The following EVC2 variants were observed in gnomAD, a reference collection of about 807,000 sequenced individuals.
EVC2 encodes EvC ciliary complex subunit 2.
EVC2 carries 148 observed loss-of-function variants against 149.3 expected under a neutral mutation model. The ratio of observed to expected loss-of-function variants is 0.99; its 90% CI spans 0.87 to 1.14. The LOEUF (loss-of-function observed/expected upper bound fraction) is 1.14. Ranked by LOEUF, EVC2 falls within the 50% of genes most tolerant of loss-of-function variation. The pLI, the probability that EVC2 is intolerant of heterozygous loss-of-function variation, is 0.00. For missense variants in EVC2, 1,854 were observed against 1,627.3 expected (o/e 1.14, Z -2.40); for synonymous variants, 776 against 649.9 (o/e 1.19, Z -2.95).
At chr4:5,582,179 C>T (rs1020513174) in intron 17 of EVC2, among the ~76,000 whole-genome samples, 4 of 152,180 alleles carry the variant, frequency 2.6e-5, no homozygotes, top group African/African-American at 9.7e-5. Context: ...GGCTGCTATC[C>T]TCTAGATTCT....
At position 5,592,573 on chromosome 4, in the gene EVC2, G is replaced by A. The variant is rs140805519; in HGVS notation, c.2830-7723C>T. On this transcript the variant is annotated intron_variant, in intron 16 of 21. Coordinates refer to ENST00000344408, the MANE Select transcript of EVC2 (RefSeq NM_147127.5). Reference sequence around the variant, plus strand: ...TGGTTGCAGCTGGTGCCAGGGAACAGCAGTCTCCCAACAGATAGTAAAGAC... The same window carrying A: ...TGGTTGCAGCTGGTGCCAGGGAACAACAGTCTCCCAACAGATAGTAAAGAC... Among the ~76,000 whole-genome samples, 717 of 152,334 alleles carry A rather than the reference G, an allele frequency of 4.7e-3. 3 individuals carry two copies. Among genetic ancestry groups the A allele is most frequent in the Non-Finnish European group, 5.2e-3 (354 of 68,028 alleles).
chr4:5,690,105 G>C (rs745341167), intron 4 of EVC2, among the ~76,000 whole-genome samples: 15 of 152,210 alleles, frequency 9.9e-5, no homozygotes, highest in Non-Finnish European at 1.9e-4. Flanking sequence ...AAGTGGGGGA[G>C]AAAGAAGGTA....
At chr4:5,603,306 A>G (rs985205800) in intron 16 of EVC2, among the ~76,000 whole-genome samples, 6 of 152,176 alleles carry the variant, frequency 3.9e-5, no homozygotes, top group African/African-American at 1.4e-4. Flanking sequence ...AATTTGACAG[A>G]GGCTGCCTCA....
chr4:5,554,427 C>A (rs1406015574), intron 21 of EVC2, among the ~76,000 whole-genome samples: 1 of 152,204 alleles, frequency 6.6e-6, no homozygotes, highest in Non-Finnish European at 1.5e-5. Context: ...GGCCTATAGT[C>A]TTAGGGAGTC....
chr4:5,662,201 C>G (rs979463879), intron 9 of EVC2, among the ~76,000 whole-genome samples: 1 of 152,060 alleles, frequency 6.6e-6, no homozygotes, highest in Non-Finnish European at 1.5e-5. Flanking sequence ...TTTCCTCTGT[C>G]TGAAAATCGT....
At position 5,636,390 on chromosome 4, in the gene EVC2, C is replaced by T. The variant is rs1042074243; in HGVS notation, c.1470+4124G>A. 6.6e-6 allele frequency among the ~76,000 whole-genome samples: 1 copy of T among 152,204 alleles called. No individual in the cohort carries two copies. Among genetic ancestry groups the T allele is most frequent in the African/African-American group, 2.4e-5 (1 of 41,448 alleles). ...GGTTCTGCATCCATAAATATAACCA[C>T]CTGCAGGTCAAAAATTTCTGTGTGT... is the stretch of plus-strand genomic sequence containing the variant. On this transcript the variant is annotated intron_variant, in intron 10 of 21. Coordinates refer to ENST00000344408, the MANE Select transcript of EVC2 (RefSeq NM_147127.5). This position sits in a 1 kb window ranked among gnomAD's most constrained non-coding sequence, Gnocchi z 4.6.
chr4:5,583,050 G>C (rs536668338), intron 17 of EVC2, among the ~76,000 whole-genome samples: 3 of 152,076 alleles, frequency 2.0e-5, no homozygotes, highest in East Asian at 1.9e-4. Flanking sequence ...CCAGTCTCAG[G>C]GTATTTCTTA....
intron 8 of EVC2, 87 bp downstream of exon 8, chr4:5,665,428 G>C: frequency 6.3e-7 from 1 of 1,598,066 alleles, no homozygotes. Flanking sequence ...ATGCTGATGG[G>C]GATCCAGGGC....
chr4:5,611,324 C>T (rs376667659), intron 16 of EVC2, among the ~76,000 whole-genome samples: 23 of 152,104 alleles, frequency 1.5e-4, no homozygotes, highest in East Asian at 3.9e-4. Flanking sequence ...TGGAGATTCA[C>T]GCTCATGAAG....
Position 5,691,352 on chromosome 4 carries a change from G to C in EVC2, c.451-19C>G. On this transcript the variant is annotated intron_variant, in intron 3 of 21. Coordinates refer to ENST00000344408, the MANE Select transcript of EVC2 (RefSeq NM_147127.5). ...CCCCATACTACAATAAAATGTAAAA[G>C]TTATTAGAAAATGAGAAATATTTCA... is the stretch of plus-strand genomic sequence containing the variant. 1 of 1,592,138 alleles carries C rather than the reference G, an allele frequency of 6.3e-7. No homozygotes were observed.
chr4:5,668,898 T>C (rs946280724), intron 7 of EVC2, among the ~76,000 whole-genome samples: 1 of 152,176 alleles, frequency 6.6e-6, no homozygotes, highest in Non-Finnish European at 1.5e-5. Context: ...TATTTAGAAA[T>C]TGTCTTTGCA....
At chr4:5,662,515 T>C (rs1390532641) in intron 9 of EVC2, among the ~76,000 whole-genome samples, 2 of 142,724 alleles carry the variant, frequency 1.4e-5, no homozygotes, top group Non-Finnish European at 3.0e-5. Flanking sequence ...TTAAATATAA[T>C]ATTAATATTA....
rs1046412779 is a variant in EVC2, at chr4:5,576,893, T to C, written c.3058-439A>G. On this transcript the variant is annotated intron_variant, in intron 17 of 21. Transcript: ENST00000344408. This position sits in a 1 kb window ranked among gnomAD's most constrained non-coding sequence, Gnocchi z 4.5. ...GCCTTTCTGCTACAGTGTGAGCTCT[T>C]TGAGGGCAGGGCTGTGTCTCCTTCT... Among the ~76,000 whole-genome samples, 15 of 152,166 alleles carry C rather than the reference T, an allele frequency of 9.9e-5. No homozygotes were observed. In the East Asian group the frequency reaches 1.2e-3, roughly 12 times the overall value.
In EVC2 at chr4:5,622,678, C is replaced by G. The variant is rs1392104625; in HGVS notation, c.2360G>C (p.Arg787Pro). Residue 787 changes from arginine (R) to proline (P), a missense_variant, in exon 14 of 22, where the codon CGG becomes CCG. By Grantham distance (103) the Arg-to-Pro change is moderately radical. Coordinates refer to ENST00000344408, the MANE Select transcript of EVC2 (RefSeq NM_147127.5). This position sits in a 1 kb window ranked among gnomAD's most constrained non-coding sequence, Gnocchi z 5.8. The stretch of plus-strand genomic sequence containing the variant: ...CTCCTCCCCCTCCAGCTGCTCGGCC[C>G]GTGCAGCCATCTCCTTGCCGTGCTC... ...LEEHGKEMAARAEQLEGEERD... is the reference protein window; with the variant it reads ...LEEHGKEMAAPAEQLEGEERD... 1 of 1,614,096 alleles carries G rather than the reference C, an allele frequency of 6.2e-7. No individual in the cohort carries two copies. Among genetic ancestry groups the G allele is most frequent in the Non-Finnish European group, 8.5e-7 (1 of 1,180,028 alleles).
At chr4:5,703,582 A>G (rs369683222) in intron 1 of EVC2, among the ~76,000 whole-genome samples, 3 of 152,286 alleles carry the variant, frequency 2.0e-5, no homozygotes, top group East Asian at 1.9e-4. Context: ...CCACTGCCTC[A>G]CCACTTCCTG....
At chr4:5,587,596 G>A (rs771342221) in intron 16 of EVC2, among the ~76,000 whole-genome samples, 1 of 152,140 alleles carries the variant, frequency 6.6e-6, no homozygotes, top group Non-Finnish European at 1.5e-5. Context: ...AAGAGCCGCA[G>A]ACAAAACCCC....
chr4:5,583,009 G>A (rs1214674909), intron 17 of EVC2, among the ~76,000 whole-genome samples: 1 of 152,132 alleles, frequency 6.6e-6, no homozygotes, highest in Non-Finnish European at 1.5e-5. Flanking sequence ...GGAACCATGA[G>A]CCAATTAAAC....
chr4:5,673,206 G>A (rs142119321), intron 7 of EVC2, among the ~76,000 whole-genome samples: 83 of 152,312 alleles, frequency 5.4e-4, no homozygotes, highest in Non-Finnish European at 1.1e-3. Context: ...AATCTGAGCC[G>A]CTATTGCTAC....
chr4:5,654,904 C>A (rs1279455582), intron 9 of EVC2, among the ~76,000 whole-genome samples: 1 of 152,192 alleles, frequency 6.6e-6, no homozygotes, highest in Non-Finnish European at 1.5e-5. Context: ...CTGTACCCTG[C>A]ACCATGCTTC....
Sources: allele counts gnomAD v4.1 joint callset (sites outside exome capture counted in the v4.1 genomes callset), GRCh38; gene constraint gnomAD v4.1.1; non-coding constraint Gnocchi (gnomAD v3.1); transcripts MANE v1.5; gene names NCBI Gene and HGNC (gene_info 2026-07-23, HGNC 2026-07-21).